The following CAMKMT variants were observed in gnomAD, a reference collection of about 807,000 sequenced individuals.
CAMKMT encodes CaM KMT.
Under a neutral mutation model 48.0 loss-of-function variants are expected in CAMKMT, and 53 were observed. The ratio of observed to expected loss-of-function variants is 1.10; its 90% CI spans 0.89 to 1.39. The LOEUF (loss-of-function observed/expected upper bound fraction) is 1.39, where lower values mean the gene tolerates loss of function less well. Among genes scored for constraint, CAMKMT ranks in the 40% most tolerant of loss-of-function variants. The probability of loss-of-function intolerance (pLI) is 0.00; values close to 1 mark genes in which losing one functional copy is unlikely to be tolerated. For synonymous variants in CAMKMT, 165 were observed against 152.3 expected, an observed-to-expected ratio of 1.08 and a Z score of -0.61; for missense variants, 428 against 402.7, an observed-to-expected ratio of 1.06 and a Z score of -0.54.
chr2:44,462,128 A>C (rs959242245), intron 3 of CAMKMT, among the ~76,000 whole-genome samples: 1 of 152,180 alleles, frequency 6.6e-6, no homozygotes, highest in Non-Finnish European at 1.5e-5. Context: ...TCTCCTGTAC[A>C]TGGTTTGTTT....
chr2:44,707,158 C>A (rs1677608308), intron 5 of CAMKMT, among the ~76,000 whole-genome samples: 1 of 151,646 alleles, frequency 6.6e-6, no homozygotes, highest in Admixed American at 6.6e-5. Context: ...TCCGCTGTCA[C>A]AATGCAATTA....
chr2:44,561,746 A>G (rs1449253406), intron 3 of CAMKMT, among the ~76,000 whole-genome samples: 2 of 152,226 alleles, frequency 1.3e-5, no homozygotes, highest in African/African-American at 4.8e-5. Context: ...GACATTGATG[A>G]GGGACCTTAA....
chr2:44,524,242 C>A (rs1318349244), intron 3 of CAMKMT, among the ~76,000 whole-genome samples: 1 of 152,024 alleles, frequency 6.6e-6, no homozygotes, highest in Admixed American at 6.6e-5. Flanking sequence ...AAATTGGGGG[C>A]TCATGTTTTA....
At chr2:44,590,565 G>C (rs1340893912) in intron 3 of CAMKMT, among the ~76,000 whole-genome samples, 3 of 152,176 alleles carry the variant, frequency 2.0e-5, no homozygotes, top group Non-Finnish European at 4.4e-5. Flanking sequence ...CCTTTGAGAA[G>C]TGTCTGTTCA....
At chr2:44,543,958 T>C (rs540008663) in intron 3 of CAMKMT, among the ~76,000 whole-genome samples, 3 of 152,246 alleles carry the variant, frequency 2.0e-5, no homozygotes, top group Non-Finnish European at 1.5e-5. Flanking sequence ...GTAGCAAATA[T>C]TGGTTTAACC....
chr2:44,542,535 ACACTCT>A (rs1235410457), intron 3 of CAMKMT, among the ~76,000 whole-genome samples: 513 of 59,334 alleles, frequency 8.6e-3, no homozygotes, highest in Middle Eastern at 0.021. Flanking sequence ...ACACACACAC[ACACTCT>A]CTCTCTCTCT....
chr2:44,603,238 C>T (rs563312009), intron 3 of CAMKMT, among the ~76,000 whole-genome samples: 19 of 152,026 alleles, frequency 1.2e-4, no homozygotes, highest in Middle Eastern at 6.8e-3. Flanking sequence ...ACGACATGTG[C>T]CACCACACCT....
intron 3 of CAMKMT, among the ~76,000 whole-genome samples, chr2:44,574,238 G>T (rs1275099580): frequency 6.6e-6 from 1 of 152,238 alleles, no homozygotes; most frequent in East Asian, 1.9e-4. Context: ...GCAAGAGGCA[G>T]AACCAGGGAG....
chr2:44,598,557 A>C (rs1464728475), intron 3 of CAMKMT, among the ~76,000 whole-genome samples: 1 of 151,456 alleles, frequency 6.6e-6, no homozygotes, highest in Non-Finnish European at 1.5e-5. Flanking sequence ...GTATGACTTA[A>C]TCATACAGCA....
At chr2:44,377,459 G>T (rs1679814130) in intron 2 of CAMKMT, among the ~76,000 whole-genome samples, 1 of 152,086 alleles carries the variant, frequency 6.6e-6, no homozygotes, top group African/African-American at 2.4e-5. Flanking sequence ...ATATATTGTT[G>T]TATAAAGCTT....
intron 2 of CAMKMT, among the ~76,000 whole-genome samples, chr2:44,382,371 TATG>T (rs1680336203): frequency 6.6e-6 from 1 of 152,158 alleles, no homozygotes; most frequent in African/African-American, 2.4e-5. Context: ...ATTATGTTAT[TATG>T]ATTGTTTTAT....
At position 44,704,354 on chromosome 2, in the gene CAMKMT, G is replaced by C; in HGVS notation, c.437+11G>C. The C allele has an allele frequency of 6.5e-7, 1 of 1,548,112 alleles. No homozygotes were observed. Among genetic ancestry groups the C allele is most frequent in the South Asian group, 1.3e-5 (1 of 77,952 alleles). On this transcript the variant is annotated intron_variant, in intron 4 of 10. Coordinates refer to ENST00000378494, the MANE Select transcript of CAMKMT (RefSeq NM_024766.5). ...CAATAATATATTCAGGTACAGAGCT[G>C]CACTTAAGATATTTTTTAGCCCATC...
chr2:44,465,852 C>A (rs1668083342), intron 3 of CAMKMT, among the ~76,000 whole-genome samples: 1 of 152,114 alleles, frequency 6.6e-6, no homozygotes, highest in Non-Finnish European at 1.5e-5. Context: ...AAAGATACTC[C>A]ATGCAAATAG....
intron 3 of CAMKMT, among the ~76,000 whole-genome samples, chr2:44,594,857 T>C (rs1412045065): frequency 2.0e-5 from 3 of 152,032 alleles, no homozygotes; most frequent in Non-Finnish European, 2.9e-5. Flanking sequence ...AAAGAAACTA[T>C]CATCAGAGTG....
intron 2 of CAMKMT, among the ~76,000 whole-genome samples, chr2:44,379,568 C>A (rs924043010): frequency 2.6e-5 from 4 of 152,124 alleles, no homozygotes; most frequent in African/African-American, 9.7e-5. Context: ...ATCAGTGAAG[C>A]ACTTGTTAAT....
At chr2:44,498,616 T>C (rs759343301) in intron 3 of CAMKMT, among the ~76,000 whole-genome samples, 5 of 152,202 alleles carry the variant, frequency 3.3e-5, no homozygotes, top group Non-Finnish European at 7.4e-5. Context: ...CTTATTCAAC[T>C]AAACAACTGC....
At chr2:44,560,513 C>T (rs762520431) in intron 3 of CAMKMT, among the ~76,000 whole-genome samples, 1 of 152,194 alleles carries the variant, frequency 6.6e-6, no homozygotes, top group Non-Finnish European at 1.5e-5. Context: ...CTCAAACAAT[C>T]TTCCTGCCTT....
At chr2:44,615,338 C>T (rs959418164) in intron 3 of CAMKMT, among the ~76,000 whole-genome samples, 1 of 152,034 alleles carries the variant, frequency 6.6e-6, no homozygotes, top group African/African-American at 2.4e-5. Flanking sequence ...TCAGAGAAAC[C>T]ATTTGGGGCC....
intron 3 of CAMKMT, among the ~76,000 whole-genome samples, chr2:44,651,386 A>C (rs953915223): frequency 1.1e-4 from 16 of 152,320 alleles, no homozygotes; most frequent in Admixed American, 7.2e-4. Flanking sequence ...CTGTGTTTTA[A>C]AGTTGCATGT....
Sources: allele counts gnomAD v4.1 joint callset (sites outside exome capture counted in the v4.1 genomes callset), GRCh38; gene constraint gnomAD v4.1.1; transcripts MANE v1.5; gene names NCBI Gene and HGNC (gene_info 2026-07-23, HGNC 2026-07-21).